The following PINK1 variants were observed in gnomAD, a reference collection of about 807,000 sequenced individuals.
PINK1 encodes the protein serine/threonine-protein kinase PINK1, mitochondrial.
A neutral mutation model predicts 56.0 loss-of-function variants in PINK1; 58 were observed. The ratio of observed to expected loss-of-function variants is 1.04; its 90% CI spans 0.84 to 1.29. The LOEUF (loss-of-function observed/expected upper bound fraction) is 1.29. PINK1 is among the 50% of genes most tolerant of loss of function. PINK1 has a pLI of 0.00. For missense variants in PINK1, 745 were observed against 777.9 expected, an observed-to-expected ratio of 0.96 and a Z score of 0.50; for synonymous variants, 354 against 339.3, an observed-to-expected ratio of 1.04 and a Z score of -0.48.
chr1:20,648,725 C>T (rs1266636112), intron 6 of PINK1, 93 bp downstream of exon 6: 4 of 1,562,552 alleles, frequency 2.6e-6, no homozygotes, highest in Non-Finnish European at 3.5e-6. Flanking sequence ...AACCCAACAC[C>T]TCCATCTTTT....
rs1016849394 is a variant in PINK1, at chr1:20,649,210, G to C, written c.1467G>C (p.Leu489=). ...ACGTGAGACAGTTGGTGAGGGCACT[G>C]CTCCAGCGAGAGGCCAGCAAGGTGA... ...PPDVRQLVRA[L]LQREASKRPS... Residue 489 remains leucine, a synonymous_variant, in exon 7 of 8, where the codon CTG becomes CTC. Transcript: ENST00000321556. The C allele has an allele frequency of 1.9e-6, 3 of 1,614,116 alleles. No homozygotes were observed. Among genetic ancestry groups the C allele is most frequent in the South Asian group, 1.1e-5 (1 of 91,084 alleles).
chr1:20,645,647 CG>C lies in PINK1; in HGVS notation c.1048del (p.Val350TrpfsTer14). 17 of 1,614,158 alleles carry C rather than the reference CG, an allele frequency of 1.1e-5. No homozygotes were observed. Among genetic ancestry groups the C allele is most frequent in the Non-Finnish European group, 1.4e-5 (16 of 1,180,040 alleles). On this transcript the variant is annotated frameshift_variant, in exon 5 of 8. Coordinates refer to ENST00000321556, the MANE Select transcript of PINK1 (RefSeq NM_032409.3). LOFTEE classifies it high-confidence loss of function. ...AMMLLQLLEGVDHLVQQGIAH... is the reference protein window; with the variant it reads ...AMMLLQLLEGXDHLVQQGIAH... ...TGATGCTGCTGCAGCTGCTGGAAGGCGTGGACCATCTGGTTCAACAGGGCAT... is the reference window on the plus strand; with the variant it reads ...TGATGCTGCTGCAGCTGCTGGAAGGCTGGACCATCTGGTTCAACAGGGCAT...
rs1450881242 is a variant in PINK1 at position 20,641,894 on chromosome 1, C to A, written c.776+1902C>A. ...CACATTTCAGGTCTCAGTTCAGACA[C>A]CCGCAACCCCACCATGTATCTCCCC... On this transcript the variant is annotated intron_variant, in intron 3 of 7. Coordinates refer to ENST00000321556, the MANE Select transcript of PINK1 (RefSeq NM_032409.3). The surrounding 1 kb of genome is among the most constrained non-coding windows in gnomAD (Gnocchi z 4.0). Among the ~76,000 whole-genome samples the A allele has an allele frequency of 6.6e-6, 1 of 152,202 alleles. No homozygotes were observed. Among genetic ancestry groups the A allele is most frequent in the African/African-American group, 2.4e-5 (1 of 41,450 alleles).
In PINK1 at chr1:20,648,426, GGC is replaced by G. The variant is rs1444240530; in HGVS notation, c.1124-78_1124-77del. The G allele has an allele frequency of 2.5e-6, 4 of 1,593,978 alleles. No individual in the cohort carries two copies. The African/African-American group carries it at 5.4e-5, about 21-fold the overall frequency. On this transcript the variant is annotated intron_variant, in intron 5 of 7. Transcript: ENST00000321556. ...CCCCTGTCAGCTATGTCTTGCTGGTGGCTTTAGTAGGGACATAGGAGGGCCTC... is the reference window on the plus strand; with the variant it reads ...CCCCTGTCAGCTATGTCTTGCTGGTGTTTAGTAGGGACATAGGAGGGCCTC...
At chr1:20,646,111 A>AT (rs980563307) in intron 5 of PINK1, among the ~76,000 whole-genome samples, 51 of 152,100 alleles carry the variant, frequency 3.4e-4, no homozygotes, top group African/African-American at 1.2e-3. Flanking sequence ...TTCTCTACAA[A>AT]AAAAAAATAT....
At chr1:20,648,751 G>A in intron 6 of PINK1, 119 bp downstream of exon 6, 1 of 1,518,542 alleles carries the variant, frequency 6.6e-7, no homozygotes, top group Non-Finnish European at 8.9e-7. Context: ...CCATAATTTG[G>A]CACAAGTTCC....
intron 6 of PINK1, 156 bp downstream of exon 6, chr1:20,648,788 C>A: frequency 1.4e-6 from 2 of 1,384,036 alleles, no homozygotes; most frequent in Non-Finnish European, 2.0e-6. Flanking sequence ...TTTCCTCCGG[C>A]GTTCCCTCAT....
rs2053099916 is a variant in PINK1 at position 20,640,001 on chromosome 1, C to G, written c.776+9C>G. The stretch of plus-strand genomic sequence containing the variant: ...GGAGCAGTCACTTACAGGTAAGTGC[C>G]CTCTGCCTGCCAGACTGACTGGGAC... On this transcript the variant is annotated intron_variant, in intron 3 of 7. Transcript: ENST00000321556. 6 of 1,592,040 alleles carry G rather than the reference C, an allele frequency of 3.8e-6. No individual in the cohort carries two copies. The highest frequency in any genetic ancestry group is 5.1e-6 in the Non-Finnish European group (6 of 1,169,766).
intron 1 of PINK1, among the ~76,000 whole-genome samples, chr1:20,635,374 G>A (rs1037407340): frequency 1.3e-5 from 2 of 151,990 alleles, no homozygotes; most frequent in Admixed American, 1.3e-4. Flanking sequence ...AGTGGTGGGC[G>A]CCTGTAATCC....
chr1:20,633,995 T>G, intron 1 of PINK1, 60 bp downstream of exon 1: 1 of 1,278,106 alleles, frequency 7.8e-7, no homozygotes, highest in Non-Finnish European at 1.1e-6. Flanking sequence ...GGGCGGGTCC[T>G]CAGCTGGGTG....
At chr1:20,640,853 C>G (rs945709244) in intron 3 of PINK1, among the ~76,000 whole-genome samples, 1 of 152,288 alleles carries the variant, frequency 6.6e-6, no homozygotes, top group East Asian at 1.9e-4. Flanking sequence ...GCCTGGGCAA[C>G]ATGGTGAAAC....
At chr1:20,642,292 G>T (rs959077551) in intron 3 of PINK1, among the ~76,000 whole-genome samples, 2 of 152,192 alleles carry the variant, frequency 1.3e-5, no homozygotes, top group Admixed American at 6.5e-5. Context: ...GCTTTCTATT[G>T]TGAGTCGACT....
chr1:20,645,568 G>C lies in PINK1; in HGVS notation c.968G>C (p.Cys323Ser). The change falls in exon 5 of 8, where the codon TGT becomes TCT. Residue 323 changes from cysteine to serine, a missense_variant. Physicochemically the swap from Cys to Ser is moderately radical, Grantham distance 112 (BLOSUM62 -1). Coordinates refer to ENST00000321556, the MANE Select transcript of PINK1 (RefSeq NM_032409.3). ...TLFLVMKNYP[C>S]TLRQYLCVNT... Reference sequence around the variant, plus strand: ...TCTCCCCTCTCCGCCAGCTATCCCTGTACCCTGCGCCAGTACCTTTGTGTG... The same window carrying C: ...TCTCCCCTCTCCGCCAGCTATCCCTCTACCCTGCGCCAGTACCTTTGTGTG... 6.2e-7 allele frequency: 1 copy of C among 1,611,874 alleles called. No individual in the cohort carries two copies. The highest frequency in any genetic ancestry group is 8.5e-7 in the Non-Finnish European group (1 of 1,179,666).
In PINK1 at chr1:20,633,618, A is replaced by T. The variant is rs1405510308; in HGVS notation, c.70A>T (p.Lys24Ter). The change falls in exon 1 of 8, where the codon AAG (lysine) becomes TAG (stop). Residue 24 changes from lysine to a stop codon, truncating the protein, a stop_gained. Transcript: ENST00000321556. LOFTEE classifies it high-confidence loss of function. ...GRALLLRFTG[K>*]PGRAYGLGRP... ...AGCGCTGCTGCTGCGCTTCACGGGC[A>T]AGCCCGGCCGGGCCTACGGCTTGGG... The T allele has an allele frequency of 7.7e-7, 1 of 1,291,172 alleles. No individual in the cohort carries two copies. The allele number at this position is 1,291,172 out of a possible 1,614,324, so 80.0% of individuals were successfully genotyped here.
Position 20,633,478 on chromosome 1 carries a change from G to T in PINK1, c.-71G>T. 9.3e-7 allele frequency: 1 copy of T among 1,080,296 alleles called. No individual in the cohort carries two copies. Among genetic ancestry groups the T allele is most frequent in the Non-Finnish European group, 1.1e-6 (1 of 890,782 alleles). The allele number at this position is 1,080,296 out of a possible 1,614,324, so 66.9% of individuals were successfully genotyped here. A position where few individuals can be genotyped will look rare whatever the true frequency, so the allele number is the denominator to read the frequency against. On this transcript the variant is annotated 5_prime_UTR_variant, in exon 1 of 8. Coordinates refer to ENST00000321556, the MANE Select transcript of PINK1 (RefSeq NM_032409.3). ...TGCGCAGAGGCACCGCCCCAAGTTT[G>T]TTGTGACCGGCGGGGGACGCCGGTG...
In PINK1 at chr1:20,639,389, A is replaced by G. The variant is rs1192888455; in HGVS notation, c.676-503A>G. 5 of 225,622 alleles carry G rather than the reference A, an allele frequency of 2.2e-5. No individual in the cohort carries two copies. The East Asian group carries it at 2.9e-4, about 13-fold the overall frequency. 14.0% of individuals were successfully genotyped at this position (225,622 alleles called of 1,614,324 possible). On this transcript the variant is annotated intron_variant, in intron 2 of 7. Coordinates refer to ENST00000321556, the MANE Select transcript of PINK1 (RefSeq NM_032409.3). Reference sequence around the variant, plus strand: ...TCATATGTCCTGAGAGCCCTTCCCAATACAATGAGGACAATAAGGTGCTTT... The same window carrying G: ...TCATATGTCCTGAGAGCCCTTCCCAGTACAATGAGGACAATAAGGTGCTTT...
intron 4 of PINK1, 46 bp downstream of exon 4, chr1:20,644,718 A>G: frequency 6.2e-7 from 1 of 1,604,238 alleles, no homozygotes; most frequent in Non-Finnish European, 8.5e-7. Flanking sequence ...TACATCTCCC[A>G]AGGGGAGCTG....
At chr1:20,639,581 A>G in intron 2 of PINK1, 1 of 423,546 alleles carries the variant, frequency 2.4e-6, no homozygotes, top group Non-Finnish European at 4.5e-6. Context: ...ACTGGTGGGG[A>G]CCAGAGGCAC....
At position 20,644,563 on chromosome 1, in the gene PINK1, T is replaced by C; in HGVS notation, c.850T>C (p.Ser284Pro). ...CCGGGTTCTCCGCGCCTTCACCTCT[T>C]CCGTGCCGCTGCTGCCAGGGGCCCT... ...IIRVLRAFTSSVPLLPGALVD... is the reference protein window; with the variant it reads ...IIRVLRAFTSPVPLLPGALVD... The change falls in exon 4 of 8, where the codon TCC (serine) becomes CCC (proline). Residue 284 changes from serine to proline, a missense_variant. Physicochemically the swap from Ser to Pro is moderately conservative, Grantham distance 74. Transcript: ENST00000321556. 6.2e-7 allele frequency: 1 copy of C among 1,614,228 alleles called. No individual in the cohort carries two copies. The highest frequency in any genetic ancestry group is 8.5e-7 in the Non-Finnish European group (1 of 1,180,040).
Sources: allele counts gnomAD v4.1 joint callset (sites outside exome capture counted in the v4.1 genomes callset), GRCh38; gene constraint gnomAD v4.1.1; non-coding constraint Gnocchi (gnomAD v3.1); transcripts MANE v1.5; gene names NCBI Gene and HGNC (gene_info 2026-07-23, HGNC 2026-07-21).